Variants in SYNJ2 observed in about 807,000 individuals in gnomAD.
The protein encoded by SYNJ2 is polyphosphatidylinositol phosphatase SYNJ2.
Under a neutral mutation model 141.3 loss-of-function variants are expected in SYNJ2, and 116 were observed. The observed-to-expected ratio is 0.82, with a 90% CI of 0.71 to 0.96. The LOEUF (loss-of-function observed/expected upper bound fraction) is 0.96. Ranked by LOEUF, SYNJ2 falls within the 40% of genes least tolerant of loss-of-function variation. The pLI, the probability that SYNJ2 is intolerant of heterozygous loss-of-function variation, is 0.00. For synonymous variants in SYNJ2, 745 were observed against 777.7 expected (o/e 0.96, Z 0.70); for missense variants, 1,873 against 1,934.8 (o/e 0.97, Z 0.60).
chr6:158,089,775 A>G, intron 24 of SYNJ2, 64 bp from the exon 25 acceptor site: 1 of 1,240,700 alleles, frequency 8.1e-7, no homozygotes, highest in East Asian at 2.5e-5. Context: ...GGTAGCAGAT[A>G]CGTCCCACGA....
chr6:157,985,868 T>C (rs1238626370), intron 1 of SYNJ2, among the ~76,000 whole-genome samples: 1 of 152,182 alleles, frequency 6.6e-6, no homozygotes, highest in Non-Finnish European at 1.5e-5. Flanking sequence ...AGTTAATTAA[T>C]GGGTGTCCCT....
intron 1 of SYNJ2, among the ~76,000 whole-genome samples, chr6:157,989,994 G>C (rs564499765): frequency 6.6e-6 from 1 of 152,246 alleles, no homozygotes; most frequent in Non-Finnish European, 1.5e-5. Flanking sequence ...GCCTCGGAGC[G>C]TGAGTCTGGT....
chr6:158,069,674 G>GT lies in SYNJ2; in HGVS notation c.1940+2dup. On this transcript the variant is annotated splice_donor_variant, in intron 14 of 26. Coordinates refer to ENST00000355585, the MANE Select transcript of SYNJ2 (RefSeq NM_003898.4). LOFTEE classifies it high-confidence loss of function. ...GTCCATACCATGTCCCGTTCATCAG[G>GT]TAAGAACATTCTGTTTACACACATC... The GT allele has an allele frequency of 6.2e-7, 1 of 1,609,962 alleles. No homozygotes were observed. The highest frequency in any genetic ancestry group is 8.5e-7 in the Non-Finnish European group (1 of 1,177,368).
At chr6:158,076,414 C>A (rs1011236565) in intron 16 of SYNJ2, among the ~76,000 whole-genome samples, 1 of 151,950 alleles carries the variant, frequency 6.6e-6, no homozygotes, top group Admixed American at 6.6e-5. Flanking sequence ...GAGATAGATA[C>A]GAGGGCGGTG....
chr6:157,999,640 G>A (rs1287006435), intron 1 of SYNJ2, among the ~76,000 whole-genome samples: 2 of 152,262 alleles, frequency 1.3e-5, no homozygotes, highest in Admixed American at 6.5e-5. Context: ...ACCCAGAGTG[G>A]CAAGAGGTAG....
At chr6:158,051,100 A>G (rs984165498) in intron 5 of SYNJ2, among the ~76,000 whole-genome samples, 1 of 152,168 alleles carries the variant, frequency 6.6e-6, no homozygotes, top group Admixed American at 6.5e-5. Context: ...GCTTTGGGTT[A>G]TGACTCAGGG....
At chr6:157,988,875 T>C (rs1397597662) in intron 1 of SYNJ2, among the ~76,000 whole-genome samples, 4 of 152,086 alleles carry the variant, frequency 2.6e-5, no homozygotes, top group Non-Finnish European at 1.5e-5. Context: ...CCACACACTG[T>C]GGACAGGAGG....
chr6:157,982,011 G>T lies in SYNJ2; in HGVS notation c.50G>T (p.Gly17Val). 7.7e-7 allele frequency: 1 copy of T among 1,298,172 alleles called. No homozygotes were observed. The highest frequency in any genetic ancestry group is 9.8e-7 in the Non-Finnish European group (1 of 1,025,036). 80.4% of individuals were successfully genotyped at this position (1,298,172 alleles called of 1,614,324 possible). A position where few individuals can be genotyped will look rare whatever the true frequency, so the allele number is the denominator to read the frequency against. ...CTGCTGGGGCGCCTGGGGGCCGAGG[G>T]GGACTGTAGCGTGCTGCTGGAGGCG... ...LRLLGRLGAEGDCSVLLEARG... is the reference protein window; with the variant it reads ...LRLLGRLGAEVDCSVLLEARG... The change falls in exon 1 of 27, where the codon GGG becomes GTG. Residue 17 changes from glycine to valine, a missense_variant. Coordinates refer to ENST00000355585, the MANE Select transcript of SYNJ2 (RefSeq NM_003898.4). The surrounding 1 kb of genome is among the most constrained non-coding windows in gnomAD (Gnocchi z 4.0).
chr6:158,033,499 G>C lies in SYNJ2; in HGVS notation c.530G>C (p.Cys177Ser). ...HVPLRQHQVSCCDWLLKIICG... is the reference protein window; with the variant it reads ...HVPLRQHQVSSCDWLLKIICG... ...CCCTTGAGGCAGCACCAGGTGAGCT[G>C]CTGTGACTGGCTGCTGAAGATCATC... The change falls in exon 4 of 27, where the codon TGC (cysteine) becomes TCC (serine). Residue 177 changes from cysteine to serine, a missense_variant. Transcript: ENST00000355585. The C allele has an allele frequency of 6.2e-7, 1 of 1,614,234 alleles. No homozygotes were observed. Among genetic ancestry groups the C allele is most frequent in the Non-Finnish European group, 8.5e-7 (1 of 1,180,050 alleles).
intron 4 of SYNJ2, among the ~76,000 whole-genome samples, chr6:158,034,078 A>C (rs898916058): frequency 6.6e-6 from 1 of 152,164 alleles, no homozygotes; most frequent in African/African-American, 2.4e-5. Context: ...AGAAGAAACC[A>C]TTATTTTTTA....
chr6:158,093,126 A>C, intron 26 of SYNJ2, 22 bp downstream of exon 26: 1 of 1,602,614 alleles, frequency 6.2e-7, no homozygotes, highest in Non-Finnish European at 8.5e-7. Flanking sequence ...GTAACATAAA[A>C]CCTCTTACTC....
In SYNJ2 at chr6:158,066,578, G is replaced by A; in HGVS notation, c.1660G>A (p.Glu554Lys). The change falls in exon 12 of 27, where the codon GAG becomes AAG. Residue 554 changes from glutamate to lysine, a missense_variant. Glu to Lys is a moderately conservative substitution (Grantham distance 56, BLOSUM62 1). Transcript: ENST00000355585. ...QFRSNVLRTAELTDWLLDSPQ... is the reference protein window; with the variant it reads ...QFRSNVLRTAKLTDWLLDSPQ... The stretch of plus-strand genomic sequence containing the variant: ...CCGGAGCAACGTGCTCAGGACGGCG[G>A]AGCTGACAGACTGGCTGCTCGACTC... 3.7e-6 allele frequency: 6 copies of A among 1,614,154 alleles called. No homozygotes were observed. The highest frequency in any genetic ancestry group is 5.1e-6 in the Non-Finnish European group (6 of 1,180,040).
At chr6:157,981,802 G>A, upstream of SYNJ2, 1 of 576,454 alleles carries the variant, frequency 1.7e-6, no homozygotes, top group Non-Finnish European at 2.5e-6. This position sits in a 1 kb window ranked among gnomAD's most constrained non-coding sequence, Gnocchi z 6.4. Flanking sequence ...CGAGTGGGGA[G>A]GAGGAGGAAG....
chr6:158,071,170 G>A lies in SYNJ2; in HGVS notation c.1941-432G>A, dbSNP rs187526497. Reference sequence around the variant, plus strand: ...TGCACTCCAGCCAGGGTGACAGAGCGAGACTCTGTCTCAAAATAACAATAA... The same window carrying A: ...TGCACTCCAGCCAGGGTGACAGAGCAAGACTCTGTCTCAAAATAACAATAA... On this transcript the variant is annotated intron_variant, in intron 14 of 26. Transcript: ENST00000355585. This position sits in a 1 kb window ranked among gnomAD's most constrained non-coding sequence, Gnocchi z 4.3. Among the ~76,000 whole-genome samples, 22 of 152,278 alleles carry A rather than the reference G, an allele frequency of 1.4e-4. No individual in the cohort carries two copies. Among genetic ancestry groups the A allele is most frequent in the East Asian group, 5.8e-4 (3 of 5,184 alleles).
intron 4 of SYNJ2, 64 bp downstream of exon 4, chr6:158,033,744 G>A (rs891613496): frequency 1.1e-5 from 16 of 1,513,678 alleles, no homozygotes; most frequent in African/African-American, 2.7e-5. Flanking sequence ...TTGCACACGC[G>A]CTTTCCACTT....
At chr6:158,010,213 C>G (rs1778214970) in intron 1 of SYNJ2, among the ~76,000 whole-genome samples, 1 of 152,264 alleles carries the variant, frequency 6.6e-6, no homozygotes, top group Non-Finnish European at 1.5e-5. Flanking sequence ...AGCCACCATG[C>G]CTGGCTAGCT....
At position 158,097,886 on chromosome 6, in the gene SYNJ2, A is replaced by AT. The variant is rs1429337424; in HGVS notation, c.*1522_*1523insT. The AT allele has an allele frequency of 6.6e-6, 1 of 152,114 alleles. No homozygotes were observed. The highest frequency in any genetic ancestry group is 2.4e-5 in the African/African-American group (1 of 41,418). The allele number at this position is 152,114 out of a possible 1,614,324, so 9.4% of individuals were successfully genotyped here. On this transcript the variant is annotated 3_prime_UTR_variant, in exon 27 of 27. Transcript: ENST00000355585. ...CGTGACCCACAGAGCTAGACAGATA[A>AT]GATGCATAGTTGACCAGTCATAAAA...
rs2128405455 is a variant in SYNJ2 at position 158,097,123 on chromosome 6, C to T, written c.*759C>T. The T allele has an allele frequency of 6.6e-6, 1 of 152,490 alleles. No homozygotes were observed. Among genetic ancestry groups the T allele is most frequent in the South Asian group, 2.1e-4 (1 of 4,824 alleles). 9.4% of individuals were successfully genotyped at this position (152,490 alleles called of 1,614,324 possible). On this transcript the variant is annotated 3_prime_UTR_variant, in exon 27 of 27. Coordinates refer to ENST00000355585, the MANE Select transcript of SYNJ2 (RefSeq NM_003898.4). Reference sequence around the variant, plus strand: ...TGCTACTGAAACCAATTTTTATCCACCATCTAGTCCTTATTAAATGAAACC... The same window carrying T: ...TGCTACTGAAACCAATTTTTATCCATCATCTAGTCCTTATTAAATGAAACC...
In SYNJ2 at chr6:158,043,161, C is replaced by A. The variant is rs1780042711; in HGVS notation, c.712-155C>A. ...CAGTACCTGGCGAGAGGTCAGGGCGCATTGCCGGATGGGGGAGCAGAGGAC... is the reference window on the plus strand; with the variant it reads ...CAGTACCTGGCGAGAGGTCAGGGCGAATTGCCGGATGGGGGAGCAGAGGAC... On this transcript the variant is annotated intron_variant, in intron 4 of 26. Coordinates refer to ENST00000355585, the MANE Select transcript of SYNJ2 (RefSeq NM_003898.4). This position sits in a 1 kb window ranked among gnomAD's most constrained non-coding sequence, Gnocchi z 4.0. Among the ~76,000 whole-genome samples, 1 of 152,196 alleles carries A rather than the reference C, an allele frequency of 6.6e-6. No homozygotes were observed. The highest frequency in any genetic ancestry group is 1.5e-5 in the Non-Finnish European group (1 of 68,030).
Sources: gnomAD v4.1 joint callset for allele counts (sites outside exome capture counted in the v4.1 genomes callset) on GRCh38, gnomAD v4.1.1 for gene constraint, Gnocchi (gnomAD v3.1) non-coding constraint, MANE v1.5 for transcripts, NCBI Gene and HGNC (gene_info 2026-07-23, HGNC 2026-07-21) for gene names.